Variants in WSCD1 observed in about 807,000 individuals in gnomAD.
The protein encoded by WSCD1 is sialate:O-sulfotransferase 1.
WSCD1 carries 41 observed loss-of-function variants against 60.4 expected under a neutral mutation model. That is an observed-to-expected ratio of 0.68 (90% CI 0.53 to 0.88). WSCD1 has a LOEUF of 0.88. Among genes scored for constraint, WSCD1 ranks in the 40% least tolerant of loss-of-function variants. The pLI is 0.00. For synonymous variants in WSCD1, 361 were observed against 332.5 expected, an observed-to-expected ratio of 1.09 and a Z score of -0.93; for missense variants, 784 against 796.2, an observed-to-expected ratio of 0.98 and a Z score of 0.18.
At chr17:6,106,624 G>A (rs1911098146) in intron 5 of WSCD1, among the ~76,000 whole-genome samples, 1 of 152,234 alleles carries the variant, frequency 6.6e-6, no homozygotes, top group African/African-American at 2.4e-5. Context: ...GGTGAATGGG[G>A]AGAGGGGCCT....
At chr17:6,091,302 A>G (rs1186289169) in intron 4 of WSCD1, among the ~76,000 whole-genome samples, 1 of 152,246 alleles carries the variant, frequency 6.6e-6, no homozygotes, top group African/African-American at 2.4e-5. Flanking sequence ...TTGTAAATGC[A>G]TAGCTGAACT....
At chr17:6,071,411 C>T (rs79774724) in intron 1 of WSCD1, among the ~76,000 whole-genome samples, 1,555 of 152,254 alleles carry the variant, frequency 0.01, 24 homozygotes, top group African/African-American at 0.034. Context: ...GACCGCTCTT[C>T]CTTCCGCTGA....
intron 3 of WSCD1, among the ~76,000 whole-genome samples, chr17:6,088,353 C>G (rs192020046): frequency 2.0e-5 from 3 of 151,894 alleles, no homozygotes; most frequent in African/African-American, 7.2e-5. Context: ...TGGGTGATGA[C>G]CTGGGTGCTG....
intron 5 of WSCD1, among the ~76,000 whole-genome samples, chr17:6,108,446 A>G (rs4260105): frequency 0.98 from 149,483 of 152,186 alleles, 73,463 homozygotes; most frequent in East Asian, 1. Flanking sequence ...GATGCAGAGA[A>G]GGAAGAGATG....
intron 7 of WSCD1, among the ~76,000 whole-genome samples, chr17:6,112,249 C>T (rs1021703637): frequency 1.2e-4 from 18 of 152,114 alleles, no homozygotes; most frequent in African/African-American, 4.3e-4. Flanking sequence ...TGATAAAATT[C>T]AACATCCCTT....
Position 6,110,657 on chromosome 17 carries a change from C to T in WSCD1, c.1010-114C>T. On this transcript the variant is annotated intron_variant, in intron 6 of 8. Transcript: ENST00000317744. This position sits in a 1 kb window ranked among gnomAD's most constrained non-coding sequence, Gnocchi z 4.8. ...CTCTTCCCTTCTTTGGGCCTTGGTT[C>T]CCCCATCTATTAAATGGGAGTCTTC... is the stretch of plus-strand genomic sequence containing the variant. The T allele has an allele frequency of 7.3e-7, 1 of 1,363,496 alleles. No individual in the cohort carries two copies. Among genetic ancestry groups the T allele is most frequent in the African/African-American group, 1.5e-5 (1 of 68,804 alleles). The allele number at this position is 1,363,496 out of a possible 1,614,324, so 84.5% of individuals were successfully genotyped here.
chr17:6,086,170 C>T (rs1484911981), intron 2 of WSCD1, among the ~76,000 whole-genome samples: 3 of 150,560 alleles, frequency 2.0e-5, no homozygotes, highest in East Asian at 3.9e-4. Context: ...CCTGCCATCT[C>T]GCTTGTTCTC....
At chr17:6,107,088 C>G (rs1911127021) in intron 5 of WSCD1, among the ~76,000 whole-genome samples, 1 of 152,208 alleles carries the variant, frequency 6.6e-6, no homozygotes, top group Non-Finnish European at 1.5e-5. Flanking sequence ...GGCCTCCCCA[C>G]TTGGCTTGCA....
rs898791950 is a variant in WSCD1, at chr17:6,118,234, G to A, written c.1375+46G>A. On this transcript the variant is annotated intron_variant, in intron 8 of 8. Transcript: ENST00000317744. The surrounding 1 kb of genome is among the most constrained non-coding windows in gnomAD (Gnocchi z 5.8). ...GGGGGTGGGAGGCTTGTCAGTACAG[G>A]TAGGTTGCTCATCAGGATGCAGGAT... 6.3e-7 allele frequency: 1 copy of A among 1,594,042 alleles called. No homozygotes were observed. The highest frequency in any genetic ancestry group is 1.7e-5 in the Admixed American group (1 of 58,706).
At chr17:6,112,340 C>T (rs567883071) in intron 7 of WSCD1, among the ~76,000 whole-genome samples, 1 of 152,308 alleles carries the variant, frequency 6.6e-6, no homozygotes, top group African/African-American at 2.4e-5. Flanking sequence ...AAACCCACAG[C>T]TAGTATCATA....
intron 2 of WSCD1, among the ~76,000 whole-genome samples, chr17:6,087,367 C>T (rs573607762): frequency 6.6e-5 from 10 of 152,290 alleles, no homozygotes; most frequent in African/African-American, 1.7e-4. Context: ...GAGGCCTCTG[C>T]GGTCACTTGG....
intron 1 of WSCD1, among the ~76,000 whole-genome samples, chr17:6,078,800 C>A (rs558418210): frequency 6.6e-6 from 1 of 152,190 alleles, no homozygotes; most frequent in East Asian, 1.9e-4. Flanking sequence ...ATCACCCTGG[C>A]AGCCTTGTGG....
intron 8 of WSCD1, 81 bp from the exon 9 acceptor site, chr17:6,120,228 C>T: frequency 6.8e-7 from 1 of 1,471,972 alleles, no homozygotes; most frequent in Non-Finnish European, 9.3e-7. Context: ...GCCCACTTCC[C>T]TCTCCCGAGC....
intron 5 of WSCD1, among the ~76,000 whole-genome samples, chr17:6,103,192 T>C (rs920989937): frequency 2.1e-4 from 32 of 152,330 alleles, no homozygotes; most frequent in Non-Finnish European, 4.0e-4. Flanking sequence ...CAGACTGTGA[T>C]GAGGATTCAG....
intron 1 of WSCD1, among the ~76,000 whole-genome samples, chr17:6,077,587 C>T (rs1908949929): frequency 6.6e-6 from 1 of 152,154 alleles, no homozygotes; most frequent in Non-Finnish European, 1.5e-5. Flanking sequence ...GGGGGAGCGC[C>T]AGAAAATACT....
At position 6,101,289 on chromosome 17, in the gene WSCD1, G is replaced by A. The variant is rs755290961; in HGVS notation, c.849+6066G>A. Among the ~76,000 whole-genome samples, 24 of 152,270 alleles carry A rather than the reference G, an allele frequency of 1.6e-4. No individual in the cohort carries two copies. The highest frequency in any genetic ancestry group is 6.2e-4 in the South Asian group (3 of 4,822). The stretch of plus-strand genomic sequence containing the variant: ...GGACTATAATACAACCATTGAAAAT[G>A]TTTTCAAAGACTTTGATGATGGAAA... On this transcript the variant is annotated intron_variant, in intron 5 of 8. Coordinates refer to ENST00000317744, the MANE Select transcript of WSCD1 (RefSeq NM_015253.2). This position sits in a 1 kb window ranked among gnomAD's most constrained non-coding sequence, Gnocchi z 4.1.
At position 6,095,053 on chromosome 17, in the gene WSCD1, C is replaced by A. The variant is rs778930170; in HGVS notation, c.728-49C>A. On this transcript the variant is annotated intron_variant, in intron 4 of 8. Coordinates refer to ENST00000317744, the MANE Select transcript of WSCD1 (RefSeq NM_015253.2). ...CAGCATTTTCCCTGGTGACAGGCAC[C>A]AACAACTGGACACCATCTCTTACCA... 3 of 1,571,330 alleles carry A rather than the reference C, an allele frequency of 1.9e-6. No homozygotes were observed. The Admixed American group carries it at 5.6e-5, about 29-fold the overall frequency.
At chr17:6,103,613 C>A (rs562968828) in intron 5 of WSCD1, among the ~76,000 whole-genome samples, 204 of 152,346 alleles carry the variant, frequency 1.3e-3, no homozygotes, top group African/African-American at 4.4e-3. Flanking sequence ...TGACATTTGC[C>A]ACAAACAATC....
At position 6,080,872 on chromosome 17, in the gene WSCD1, C is replaced by A. The variant is rs751981355; in HGVS notation, c.214C>A (p.Leu72Met). 5 of 1,604,498 alleles carry A rather than the reference C, an allele frequency of 3.1e-6. No individual in the cohort carries two copies. The South Asian group carries it at 4.4e-5, about 14-fold the overall frequency. The change falls in exon 2 of 9, where the codon CTG (leucine) becomes ATG (methionine). Residue 72 changes from leucine to methionine, a missense_variant. Transcript: ENST00000317744. This position sits in a 1 kb window ranked among gnomAD's most constrained non-coding sequence, Gnocchi z 6.6. ...CGTGGGCTTGCTGGACAGCAGAGCC[C>A]TGCACGACCCTCGAGTCAGCCCAGA... ...LGVGLLDSRA[L>M]HDPRVSPELL...
Sources: allele counts gnomAD v4.1 joint callset (sites outside exome capture counted in the v4.1 genomes callset), GRCh38; gene constraint gnomAD v4.1.1; non-coding constraint Gnocchi (gnomAD v3.1); transcripts MANE v1.5; gene names NCBI Gene and HGNC (gene_info 2026-07-23, HGNC 2026-07-21).